The following GHDC variants were observed in gnomAD, a reference collection of about 807,000 sequenced individuals.
GHDC encodes the protein GH3 domain-containing protein.
GHDC carries 39 observed loss-of-function variants against 51.5 expected under a neutral mutation model. The observed-to-expected ratio is 0.76, with a 90% confidence interval of 0.59 to 0.99. GHDC has a LOEUF of 0.99. Ranked by LOEUF, GHDC falls within the 50% of genes least tolerant of loss-of-function variation. The pLI is 0.00. For synonymous variants in GHDC, 282 were observed against 305.2 expected (o/e 0.92, Z 0.79); for missense variants, 610 against 672.8 (o/e 0.91, Z 1.03).
chr17:42,191,275 C>T, intron 5 of GHDC, 65 bp from the exon 6 acceptor site: 1 of 1,411,156 alleles, frequency 7.1e-7, no homozygotes, highest in Non-Finnish European at 9.3e-7. Context: ...GGCAATAGCC[C>T]CTCCTGGATC....
chr17:42,189,956 G>A (rs768889950), intron 9 of GHDC, 35 bp from the exon 10 acceptor site: 36 of 1,462,070 alleles, frequency 2.5e-5, no homozygotes, highest in Non-Finnish European at 3.1e-5. Context: ...GCTGGTGTGT[G>A]ACTGTGAGTG....
At chr17:42,192,841 C>A in intron 4 of GHDC, 65 bp downstream of exon 4, 1 of 1,578,304 alleles carries the variant, frequency 6.3e-7, no homozygotes, top group Non-Finnish European at 8.6e-7. Context: ...GGTTTGGCTG[C>A]AAGTCAGAGG....
intron 8 of GHDC, 50 bp downstream of exon 8, chr17:42,190,574 G>C (rs1161934970): frequency 6.3e-7 from 1 of 1,583,162 alleles, no homozygotes; most frequent in Non-Finnish European, 8.6e-7. Context: ...GGAGGTAGGA[G>C]TTGAAGGGTA....
intron 8 of GHDC, 25 bp downstream of exon 8, chr17:42,190,599 G>A: frequency 6.2e-7 from 1 of 1,602,292 alleles, no homozygotes; most frequent in Non-Finnish European, 8.5e-7. Context: ...AAGGATGGTA[G>A]GCAGGAGCCG....
At chr17:42,191,847 C>T (rs1281940321) in intron 5 of GHDC, among the ~76,000 whole-genome samples, 1 of 143,320 alleles carries the variant, frequency 7.0e-6, no homozygotes, top group Non-Finnish European at 1.5e-5. Flanking sequence ...ACTATAATTT[C>T]TGCCTCCAAG....
At chr17:42,190,475 A>C in intron 8 of GHDC, 149 bp downstream of exon 8, 1 of 1,407,172 alleles carries the variant, frequency 7.1e-7, no homozygotes, top group African/African-American at 1.4e-5. Flanking sequence ...TAGAGACTGC[A>C]GCAGGATGGA....
chr17:42,192,865 T>C, intron 4 of GHDC, 41 bp downstream of exon 4: 1 of 1,606,860 alleles, frequency 6.2e-7, no homozygotes, highest in Non-Finnish European at 8.5e-7. Context: ...CTGGTGGGAC[T>C]GGGCTGTGGC....
At chr17:42,191,504 G>A (rs1013716867) in intron 5 of GHDC, among the ~76,000 whole-genome samples, 6 of 152,116 alleles carry the variant, frequency 3.9e-5, no homozygotes, top group Non-Finnish European at 7.4e-5. Context: ...TGTCACCTAG[G>A]CTGGAGTGCA....
chr17:42,193,772 T>C lies in GHDC; in HGVS notation c.-19A>G, dbSNP rs2079988723. 11 of 742,528 alleles carry C rather than the reference T, an allele frequency of 1.5e-5. No homozygotes were observed. In the South Asian group the frequency reaches 2.1e-4, roughly 14 times the overall value. The allele number at this position is 742,528 out of a possible 1,614,324, so 46.0% of individuals were successfully genotyped here. ...AGCTTTGGAGTCCCACTGACCTGAG[T>C]GCAGATCCTGCCTCTGCCGCTTGTT... On this transcript the variant is annotated 5_prime_UTR_variant, in exon 2 of 10. Transcript: ENST00000587427.
rs1181207270 is a variant in GHDC, at chr17:42,193,038, A to T, written c.266-11T>A. 6.2e-7 allele frequency: 1 copy of T among 1,614,088 alleles called. No homozygotes were observed. The highest frequency in any genetic ancestry group is 8.5e-7 in the Non-Finnish European group (1 of 1,180,002). ...GGAAGGTGCTTATGTCTATAGCCCC[A>T]ATGACAACAGAAACGCCTCAGGAAG... On this transcript the variant is annotated splice_polypyrimidine_tract_variant and intron_variant, in intron 3 of 9. Coordinates refer to ENST00000587427, the MANE Select transcript of GHDC (RefSeq NM_032484.5).
intron 5 of GHDC, 136 bp from the exon 6 acceptor site, chr17:42,191,346 C>T: frequency 2.3e-6 from 2 of 856,408 alleles, no homozygotes; most frequent in Middle Eastern, 3.7e-4. Flanking sequence ...TCCTTCCTGG[C>T]TCCCCCAGCC....
Position 42,192,291 on chromosome 17 carries a change from A to C in GHDC, c.839T>G (p.Leu280Trp), listed in dbSNP as rs2079974679. The C allele has an allele frequency of 6.3e-7, 1 of 1,592,850 alleles. No homozygotes were observed. The highest frequency in any genetic ancestry group is 8.6e-7 in the Non-Finnish European group (1 of 1,169,338). The part of the protein sequence containing the change: ...QAEAVAALGA[L>W]WCQGLAFFSP... ...GAAGAAGGCTAGTCCTTGGCACCAC[A>C]AGGCCCCGAGGGCAGCCACAGCCTC... The change falls in exon 5 of 10, where the codon TTG (leucine) becomes TGG (tryptophan). Residue 280 changes from leucine (L) to tryptophan (W), a missense_variant. Coordinates refer to ENST00000587427, the MANE Select transcript of GHDC (RefSeq NM_032484.5).
At chr17:42,193,213 C>T (rs546329985) in intron 3 of GHDC, 104 bp downstream of exon 3, 52 of 1,519,218 alleles carry the variant, frequency 3.4e-5, no homozygotes, top group East Asian at 1.6e-4. Flanking sequence ...CAGGCCACTC[C>T]GTTGGCAGTG....
Position 42,193,511 on chromosome 17 carries a change from G to T in GHDC, c.71C>A (p.Ser24Tyr), listed in dbSNP as rs1173032877. Residue 24 changes from serine to tyrosine, a missense_variant, in exon 3 of 10, where the codon TCC (serine) becomes TAC (tyrosine). Coordinates refer to ENST00000587427, the MANE Select transcript of GHDC (RefSeq NM_032484.5). ...AAGCCAGGACAGCCTGGCATCCTGG[G>T]ACCGCTGCTGCCTGAGCAGGGCCAA... ...PTLALLRQQR[S>Y]QDARLSWLAG... 6.4e-7 allele frequency: 1 copy of T among 1,550,992 alleles called. No individual in the cohort carries two copies. Among genetic ancestry groups the T allele is most frequent in the Non-Finnish European group, 8.7e-7 (1 of 1,148,316 alleles).
Position 42,189,857 on chromosome 17 carries a change from C to T in GHDC, c.1439G>A (p.Gly480Asp), listed in dbSNP as rs1312448264. The T allele has an allele frequency of 1.9e-6, 3 of 1,560,870 alleles. No individual in the cohort carries two copies. The highest frequency in any genetic ancestry group is 4.8e-5 in the East Asian group (2 of 41,916). Residue 480 changes from glycine (G) to aspartate (D), a missense_variant, in exon 10 of 10, where the codon GGC becomes GAC. Physicochemically the swap from Gly to Asp is moderately conservative, Grantham distance 94. Around this residue, in one of 2 missense-constraint regions of GHDC, gnomAD observed 412 missense variants for 410.4 expected, o/e 1.00. Coordinates refer to ENST00000587427, the MANE Select transcript of GHDC (RefSeq NM_032484.5). Reference protein sequence around the residue: ...YKSLRFWGSVGPARVHLVGQG... With the variant: ...YKSLRFWGSVDPARVHLVGQG... ...CCCCACCAGGTGGACTCTGGCAGGG[C>T]CCACGCTGCCCCAGAACCGCAGGGA...
Position 42,192,638 on chromosome 17 carries a change from C to T in GHDC, c.492G>A (p.Leu164=). 1 of 1,612,122 alleles carries T rather than the reference C, an allele frequency of 6.2e-7. No individual in the cohort carries two copies. The highest frequency in any genetic ancestry group is 8.5e-7 in the Non-Finnish European group (1 of 1,179,158). Residue 164 remains leucine (L), a synonymous_variant, in exon 5 of 10, where the codon CTG becomes CTA. Transcript: ENST00000587427. Reference sequence around the variant, plus strand: ...GGCCCAGGGTATTCCCAGGCCAAGGCAGGGGTCGGGGCCAAGGGGATGTAA... The same window carrying T: ...GGCCCAGGGTATTCCCAGGCCAAGGTAGGGGTCGGGGCCAAGGGGATGTAA... ...VTLTSPWPRP[L]PWPGNTLGQV...
At position 42,192,545 on chromosome 17, in the gene GHDC, C is replaced by T; in HGVS notation, c.585G>A (p.Leu195=). 2 of 1,613,814 alleles carry T rather than the reference C, an allele frequency of 1.2e-6. No homozygotes were observed. The highest frequency in any genetic ancestry group is 1.7e-6 in the Non-Finnish European group (2 of 1,180,036). Residue 195 remains leucine, a synonymous_variant, in exon 5 of 10, where the codon CTG becomes CTA. Transcript: ENST00000587427. ...LLLDALRSPG[L]RALEAGTAVE... is the part of the protein sequence containing the mutation. ...CAGCCGTCCCAGCCTCCAGTGCCCT[C>T]AGCCCTGGGGACCTCAGTGCGTCCA...
In GHDC at chr17:42,192,716, T is replaced by G; in HGVS notation, c.414A>C (p.Leu138=). Reference sequence around the variant, plus strand: ...CCAGCACTTCTGGGTAGGCCTTGTTTAGGGCTGCCAGACCCAGCAAGGTGG... The same window carrying G: ...CCAGCACTTCTGGGTAGGCCTTGTTGAGGGCTGCCAGACCCAGCAAGGTGG... ...LQATLLGLAA[L]NKAYPEVLAQ... Residue 138 remains leucine, a synonymous_variant, in exon 5 of 10, where the codon CTA becomes CTC. Transcript: ENST00000587427. The G allele has an allele frequency of 6.5e-7, 1 of 1,549,828 alleles. No homozygotes were observed. The highest frequency in any genetic ancestry group is 8.7e-7 in the Non-Finnish European group (1 of 1,150,446).
intron 5 of GHDC, 150 bp from the exon 6 acceptor site, chr17:42,191,360 G>A: frequency 1.3e-6 from 1 of 772,930 alleles, no homozygotes; most frequent in Non-Finnish European, 1.8e-6. Flanking sequence ...CCCAGCCTCA[G>A]CGGGCTGCCT....
Sources: allele counts gnomAD v4.1 joint callset (sites outside exome capture counted in the v4.1 genomes callset), GRCh38; gene constraint gnomAD v4.1.1; regional missense constraint gnomAD v4.1.1; transcripts MANE v1.5; gene names NCBI Gene and HGNC (gene_info 2026-07-23, HGNC 2026-07-21).